DLGAP3: variants seen among roughly 807,000 people sequenced by gnomAD.
The protein encoded by DLGAP3 is DLG associated protein 3, also known as disks large-associated protein 3.
DLGAP3 carries 17 observed loss-of-function variants against 81.2 expected under a neutral mutation model. The ratio of observed to expected loss-of-function variants is 0.21; its 90% confidence interval spans 0.14 to 0.31. The LOEUF (loss-of-function observed/expected upper bound fraction) is 0.31, where lower values mean the gene tolerates loss of function less well. Ranked by LOEUF, DLGAP3 falls within the 10% of genes least tolerant of loss-of-function variation. The probability of loss-of-function intolerance (pLI) is 1.00; values close to 1 mark genes in which losing one functional copy is unlikely to be tolerated. For synonymous variants in DLGAP3, 577 were observed against 587.4 expected, an observed-to-expected ratio of 0.98 and a Z score of 0.26; for missense variants, 1,124 against 1,388.0, an observed-to-expected ratio of 0.81 and a Z score of 3.02.
intron 2 of DLGAP3, among the ~76,000 whole-genome samples, chr1:34,906,036 G>A (rs9793513): frequency 0.11 from 4,805 of 43,828 alleles, 280 homozygotes; most frequent in Non-Finnish European, 0.13. Context: ...ATATATATTT[G>A]TTTGTTTTTA....
chr1:34,884,847 C>T (rs1390743373), intron 8 of DLGAP3, 131 bp downstream of exon 8: 2 of 748,756 alleles, frequency 2.7e-6, no homozygotes, highest in Non-Finnish European at 4.7e-6. Context: ...TCTGACCACC[C>T]TCTATAAAAA....
At chr1:34,894,991 C>A (rs1228843996) in intron 5 of DLGAP3, among the ~76,000 whole-genome samples, 1 of 152,142 alleles carries the variant, frequency 6.6e-6, no homozygotes, top group African/African-American at 2.4e-5. Flanking sequence ...TTTCATTATT[C>A]CATATTGTAT....
chr1:34,881,383 G>T (rs1270783692), intron 8 of DLGAP3, among the ~76,000 whole-genome samples: 4 of 152,182 alleles, frequency 2.6e-5, no homozygotes, highest in Non-Finnish European at 5.9e-5. Context: ...ACCATGTGAT[G>T]AGATTTTAGC....
chr1:34,886,259 C>T lies in DLGAP3; in HGVS notation c.1413G>A (p.Leu471=). Residue 471 remains leucine (L), a synonymous_variant, in exon 6 of 12, where the codon CTG becomes CTA. Coordinates refer to ENST00000373347, the MANE Select transcript of DLGAP3 (RefSeq NM_001080418.3). The stretch of plus-strand genomic sequence containing the variant: ...CAAACACCGACCCGCACACGGCCTC[C>T]AGCTGCTGGTTCAACTCATCGCTGA... The part of the protein sequence containing the change: ...GQLSDELNQQ[L]EAVCGSVFGE... 1 of 1,604,508 alleles carries T rather than the reference C, an allele frequency of 6.2e-7. No individual in the cohort carries two copies. Among genetic ancestry groups the T allele is most frequent in the Non-Finnish European group, 8.5e-7 (1 of 1,175,498 alleles).
At chr1:34,911,540 G>A (rs1196986809) in intron 1 of DLGAP3, among the ~76,000 whole-genome samples, 1 of 152,160 alleles carries the variant, frequency 6.6e-6, no homozygotes, top group Non-Finnish European at 1.5e-5. Flanking sequence ...TTTTGCAGTA[G>A]CCTATGGCTG....
At position 34,895,408 on chromosome 1, in the gene DLGAP3, T is replaced by C. The variant is rs1454195034; in HGVS notation, c.1386+4261A>G. Among the ~76,000 whole-genome samples the C allele has an allele frequency of 6.8e-6, 1 of 147,686 alleles. No individual in the cohort carries two copies. The highest frequency in any genetic ancestry group is 1.5e-5 in the Non-Finnish European group (1 of 66,430). On this transcript the variant is annotated intron_variant, in intron 5 of 11. Transcript: ENST00000373347. The surrounding 1 kb of genome is among the most constrained non-coding windows in gnomAD (Gnocchi z 4.5). Reference sequence around the variant, plus strand: ...AAAATAATAATAATAATAAGTAAAATAAATGCTGAAAGAAATCAAAGAAGA... The same window carrying C: ...AAAATAATAATAATAATAAGTAAAACAAATGCTGAAAGAAATCAAAGAAGA...
At chr1:34,911,266 A>G (rs968004440) in intron 1 of DLGAP3, among the ~76,000 whole-genome samples, 37 of 152,228 alleles carry the variant, frequency 2.4e-4, no homozygotes, top group African/African-American at 8.2e-4. Context: ...AAGCAAACAA[A>G]CAAATAAAAA....
Position 34,900,409 on chromosome 1 carries a change from G to A in DLGAP3, c.1108-136C>T. On this transcript the variant is annotated intron_variant, in intron 3 of 11. Transcript: ENST00000373347. The surrounding 1 kb of genome is among the most constrained non-coding windows in gnomAD (Gnocchi z 5.6). The stretch of plus-strand genomic sequence containing the variant: ...ACTCAGGTACATGCAGAGGCAGAAG[G>A]GGAGGTAGGGTCTCAGGCTGTCCCC... 1.1e-6 allele frequency: 1 copy of A among 877,296 alleles called. No homozygotes were observed. Among genetic ancestry groups the A allele is most frequent in the Admixed American group, 1.9e-5 (1 of 52,662 alleles). The allele number at this position is 877,296 out of a possible 1,614,324, so 54.3% of individuals were successfully genotyped here.
chr1:34,905,112 C>A lies in DLGAP3; in HGVS notation c.272G>T (p.Arg91Met). 1.3e-6 allele frequency: 2 copies of A among 1,583,938 alleles called. No homozygotes were observed. Among genetic ancestry groups the A allele is most frequent in the Non-Finnish European group, 8.6e-7 (1 of 1,164,634 alleles). ...GAAGGGGCCCTGGCCAGGGTACATC[C>A]TGGGGAAGGTGCTGCTACCCCCCCC... is the stretch of plus-strand genomic sequence containing the variant. ...GVGGGSSTFP[R>M]MYPGQGPFDT... The change falls in exon 3 of 12, where the codon AGG (arginine) becomes ATG (methionine). Residue 91 changes from arginine (R) to methionine (M), a missense_variant. Arg to Met is a moderately conservative substitution (Grantham distance 91). Around this residue, in one of 9 missense-constraint regions of DLGAP3, gnomAD observed 167 missense variants for 172.1 expected, o/e 0.97. Transcript: ENST00000373347.
In DLGAP3 at chr1:34,866,038, G is replaced by C. The variant is rs567626934; in HGVS notation, c.*45C>G. ...ACCTCGACGCTGGGTGTACAGTACG[G>C]GTGGAGAACCGCGGGCCCGGGCCGG... On this transcript the variant is annotated 3_prime_UTR_variant, in exon 12 of 12. Transcript: ENST00000373347. The C allele has an allele frequency of 6.6e-7, 1 of 1,517,678 alleles. No homozygotes were observed. The highest frequency in any genetic ancestry group is 1.4e-5 in the African/African-American group (1 of 73,166). 94.0% of individuals were successfully genotyped at this position (1,517,678 alleles called of 1,614,324 possible).
Position 34,899,806 on chromosome 1 carries a change from A to T in DLGAP3, c.1314-65T>A, listed in dbSNP as rs1569637057. On this transcript the variant is annotated intron_variant, in intron 4 of 11. Coordinates refer to ENST00000373347, the MANE Select transcript of DLGAP3 (RefSeq NM_001080418.3). ...GCTAGGAGGTGGGGGAGGGGAGATA[A>T]TAGCACTGGGGCCCCTGAGTAAGTC... is the stretch of plus-strand genomic sequence containing the variant. 33 of 1,501,220 alleles carry T rather than the reference A, an allele frequency of 2.2e-5. No individual in the cohort carries two copies. The South Asian group carries it at 3.6e-4, about 16-fold the overall frequency. The allele number at this position is 1,501,220 out of a possible 1,614,324, so 93.0% of individuals were successfully genotyped here.
intron 1 of DLGAP3, among the ~76,000 whole-genome samples, chr1:34,911,782 T>A (rs1639644375): frequency 6.6e-6 from 1 of 152,226 alleles, no homozygotes; most frequent in African/African-American, 2.4e-5. Context: ...GGAAACCAGC[T>A]GTGTAATTCG....
chr1:34,893,030 G>C (rs1639337543), intron 5 of DLGAP3, among the ~76,000 whole-genome samples: 1 of 151,752 alleles, frequency 6.6e-6, no homozygotes, highest in Admixed American at 6.6e-5. Flanking sequence ...AAATTAGCCG[G>C]GCGCGGTGGC....
At chr1:34,928,088 A>T (rs1639900314) in intron 1 of DLGAP3, among the ~76,000 whole-genome samples, 1 of 152,240 alleles carries the variant, frequency 6.6e-6, no homozygotes, top group South Asian at 2.1e-4. Flanking sequence ...GCTGTTGGGG[A>T]AATAAGAAGA....
Position 34,904,698 on chromosome 1 carries a change from T to G in DLGAP3, c.686A>C (p.His229Pro). ...CCGGGACTGGTGGTGGTGGTGATGGTGGTGGTGATGGTGGTGATGGGAGGT... is the reference window on the plus strand; with the variant it reads ...CCGGGACTGGTGGTGGTGGTGATGGGGGTGGTGATGGTGGTGATGGGAGGT... Reference protein sequence around the residue: ...PHTSHHHHHHHHHHHHQSRHG... With the variant: ...PHTSHHHHHHPHHHHHQSRHG... Residue 229 changes from histidine (H) to proline (P), a missense_variant, in exon 3 of 12, where the codon CAC (histidine) becomes CCC (proline). Physicochemically the swap from His to Pro is moderately conservative, Grantham distance 77. Coordinates refer to ENST00000373347, the MANE Select transcript of DLGAP3 (RefSeq NM_001080418.3). The surrounding 1 kb of genome is among the most constrained non-coding windows in gnomAD (Gnocchi z 8.1). 6.2e-7 allele frequency: 1 copy of G among 1,613,158 alleles called. No individual in the cohort carries two copies. Among genetic ancestry groups the G allele is most frequent in the South Asian group, 1.1e-5 (1 of 91,066 alleles).
At chr1:34,923,724 A>G (rs1007239158) in intron 1 of DLGAP3, among the ~76,000 whole-genome samples, 2 of 152,118 alleles carry the variant, frequency 1.3e-5, no homozygotes, top group African/African-American at 4.8e-5. Flanking sequence ...CACCCACAGC[A>G]GAGGAAAACT....
At chr1:34,910,488 C>T (rs541312648) in intron 1 of DLGAP3, among the ~76,000 whole-genome samples, 1 of 152,224 alleles carries the variant, frequency 6.6e-6, no homozygotes, top group Non-Finnish European at 1.5e-5. Flanking sequence ...TCCAACAAGG[C>T]CTGCAGGGTC....
intron 2 of DLGAP3, 93 bp downstream of exon 2, chr1:34,907,262 T>C (rs1013143261): frequency 6.6e-6 from 1 of 152,514 alleles, no homozygotes; most frequent in African/African-American, 2.4e-5. Context: ...AGCCAGTAAG[T>C]GGATGAGTCA....
intron 2 of DLGAP3, among the ~76,000 whole-genome samples, chr1:34,907,137 C>A (rs142189861): frequency 6.6e-6 from 1 of 152,270 alleles, no homozygotes; most frequent in East Asian, 1.9e-4. Context: ...AAGTACTCGC[C>A]ATATACCAGG....
Sources: gnomAD v4.1 joint callset for allele counts (sites outside exome capture counted in the v4.1 genomes callset) on GRCh38, gnomAD v4.1.1 for gene constraint, gnomAD v4.1.1 regional missense constraint, Gnocchi (gnomAD v3.1) non-coding constraint, MANE v1.5 for transcripts, NCBI Gene and HGNC (gene_info 2026-07-23, HGNC 2026-07-21) for gene names.